L1TD1: variants seen among roughly 807,000 people sequenced by gnomAD.
L1TD1 encodes LINE1 type transposase domain containing 1.
In L1TD1, 26 loss-of-function variants were observed where a neutral mutation model predicts 25.7. The ratio of observed to expected loss-of-function variants is 1.01; its 90% CI spans 0.74 to 1.40. The LOEUF (loss-of-function observed/expected upper bound fraction) is 1.40. L1TD1 is among the 40% of genes most tolerant of loss of function. L1TD1 has a pLI of 0.00. For synonymous variants in L1TD1, 421 were observed against 335.6 expected (o/e 1.25, Z -2.78); for missense variants, 1,130 against 975.0 (o/e 1.16, Z -2.12).
At chr1:62,195,540 G>A (rs895540432) in intron 1 of L1TD1, among the ~76,000 whole-genome samples, 4 of 152,140 alleles carry the variant, frequency 2.6e-5, no homozygotes, top group African/African-American at 9.7e-5. Context: ...GATCACCTGA[G>A]GTCGGAGTTC....
At chr1:62,201,292 T>C (rs1173215410) in intron 2 of L1TD1, among the ~76,000 whole-genome samples, 1 of 152,090 alleles carries the variant, frequency 6.6e-6, no homozygotes, top group Non-Finnish European at 1.5e-5. Flanking sequence ...CAGAAAAATT[T>C]GTCCTTATGT....
In L1TD1 at chr1:62,207,066, A is replaced by C. The variant is rs761855273; in HGVS notation, c.438A>C (p.Leu146Phe). ...AAGTAAATGAGCTGAGTGGTAAATT[A>C]GACAACACTAACGAATACAATAGTA... Reference protein sequence around the residue: ...KLEVNELSGKLDNTNEYNSND... With the variant: ...KLEVNELSGKFDNTNEYNSND... Residue 146 changes from leucine to phenylalanine, a missense_variant, in exon 3 of 4, where the codon TTA (leucine) becomes TTC (phenylalanine). Physicochemically the swap from Leu to Phe is conservative, Grantham distance 22. Transcript: ENST00000498273. 14 of 1,613,794 alleles carry C rather than the reference A, an allele frequency of 8.7e-6. No individual in the cohort carries two copies. The highest frequency in any genetic ancestry group is 2.7e-5 in the African/African-American group (2 of 74,954).
In L1TD1 at chr1:62,210,312, A is replaced by G. The variant is rs758340686; in HGVS notation, c.1538A>G (p.Tyr513Cys). The G allele has an allele frequency of 2.5e-6, 4 of 1,614,132 alleles. No homozygotes were observed. Among genetic ancestry groups the G allele is most frequent in the Non-Finnish European group, 3.4e-6 (4 of 1,180,004 alleles). ...AGACAAAAAGAAATTCCCTTTAGTT[A>G]TTTGGTTGGGGACTCTGGGAAGAAA... ...SRRQKEIPFS[Y>C]LVGDSGKKKL... is the part of the protein sequence containing the mutation. The change falls in exon 4 of 4, where the codon TAT becomes TGT. Residue 513 changes from tyrosine (Y) to cysteine (C), a missense_variant. Coordinates refer to ENST00000498273, the MANE Select transcript of L1TD1 (RefSeq NM_019079.5).
At chr1:62,205,373 T>TCTCTCTCTCTCTCTC (rs1670716070) in intron 2 of L1TD1, among the ~76,000 whole-genome samples, 1 of 90,180 alleles carries the variant, frequency 1.1e-5, no homozygotes, top group African/African-American at 3.9e-5. Flanking sequence ...AAAACTCTCT[T>TCTCTCTCTCTCTCTC]TCTCTCTCTC....
intron 3 of L1TD1, 139 bp downstream of exon 3, chr1:62,207,775 C>A: frequency 9.4e-7 from 1 of 1,067,768 alleles, no homozygotes; most frequent in Non-Finnish European, 1.3e-6. Flanking sequence ...TGCAGTGGCA[C>A]GATCTCGGCT....
intron 2 of L1TD1, among the ~76,000 whole-genome samples, chr1:62,199,086 G>C (rs1270458881): frequency 6.6e-6 from 1 of 152,090 alleles, no homozygotes; most frequent in Non-Finnish European, 1.5e-5. Context: ...TCTTGATCAG[G>C]GATTTTGAAC....
At chr1:62,196,384 A>T (rs1040345686) in intron 1 of L1TD1, 51 bp from the exon 2 acceptor site, 2 of 152,124 alleles carry the variant, frequency 1.3e-5, no homozygotes, top group African/African-American at 2.4e-5. Flanking sequence ...GTGATTTTCT[A>T]CATTAAATAA....
chr1:62,206,180 C>T (rs748086549), intron 2 of L1TD1, among the ~76,000 whole-genome samples: 13 of 152,170 alleles, frequency 8.5e-5, no homozygotes, highest in African/African-American at 1.2e-4. Flanking sequence ...TGGTATGATA[C>T]ATATGTTGGT....
chr1:62,205,942 G>C (rs1448490660), intron 2 of L1TD1, among the ~76,000 whole-genome samples: 1 of 151,970 alleles, frequency 6.6e-6, no homozygotes, highest in Non-Finnish European at 1.5e-5. Flanking sequence ...TGTTGCCCAG[G>C]CTGGTCTCGA....
At chr1:62,202,090 T>C (rs1670649455) in intron 2 of L1TD1, among the ~76,000 whole-genome samples, 1 of 152,096 alleles carries the variant, frequency 6.6e-6, no homozygotes, top group Non-Finnish European at 1.5e-5. Flanking sequence ...CACCTGAGGT[T>C]GGGAGTTCGA....
Position 62,206,675 on chromosome 1 carries a change from C to T in L1TD1, c.47C>T (p.Ala16Val), listed in dbSNP as rs1290270402. The change falls in exon 3 of 4, where the codon GCA (alanine) becomes GTA (valine). Residue 16 changes from alanine (A) to valine (V), a missense_variant. Physicochemically the swap from Ala to Val is moderately conservative, Grantham distance 64 (BLOSUM62 0). Coordinates refer to ENST00000498273, the MANE Select transcript of L1TD1 (RefSeq NM_019079.5). ...GTACAATCAAAATTTGCTAGACTTGCAAAGAAAAAGGAAAATATCACCTAT... is the reference window on the plus strand; with the variant it reads ...GTACAATCAAAATTTGCTAGACTTGTAAAGAAAAAGGAAAATATCACCTAT... ...TSVQSKFARL[A>V]KKKENITYMK... 1 of 1,547,020 alleles carries T rather than the reference C, an allele frequency of 6.5e-7. No individual in the cohort carries two copies. The highest frequency in any genetic ancestry group is 1.4e-5 in the African/African-American group (1 of 72,592).
At chr1:62,205,151 C>G (rs185604800) in intron 2 of L1TD1, among the ~76,000 whole-genome samples, 145 of 151,636 alleles carry the variant, frequency 9.6e-4, no homozygotes, top group African/African-American at 3.0e-3. Context: ...GAATTCGAGG[C>G]CAGCCACCAA....
chr1:62,205,444 T>TATATATA (rs1195636077), intron 2 of L1TD1, among the ~76,000 whole-genome samples: 2 of 75,904 alleles, frequency 2.6e-5, no homozygotes, highest in African/African-American at 4.4e-5. Flanking sequence ...TATATATATA[T>TATATATA]TTTTTTTTAG....
In L1TD1 at chr1:62,210,998, A is replaced by G. The variant is rs1244985461; in HGVS notation, c.2224A>G (p.Ser742Gly). The change falls in exon 4 of 4, where the codon AGT becomes GGT. Residue 742 changes from serine to glycine, a missense_variant. Physicochemically the swap from Ser to Gly is moderately conservative, Grantham distance 56 (BLOSUM62 0). Transcript: ENST00000498273. The part of the protein sequence containing the change: ...LKKGSSLEIV[S>G]ACRVPSKIDE... The stretch of plus-strand genomic sequence containing the variant: ...GAAAGGTTCAAGTCTTGAGATTGTC[A>G]GTGCTTGTCGAGTACCTAGTAAAAT... 6.5e-7 allele frequency: 1 copy of G among 1,545,440 alleles called. No homozygotes were observed. The highest frequency in any genetic ancestry group is 2.4e-5 in the East Asian group (1 of 40,900).
intron 2 of L1TD1, among the ~76,000 whole-genome samples, chr1:62,202,996 A>T (rs1670672012): frequency 6.6e-6 from 1 of 151,836 alleles, no homozygotes; most frequent in African/African-American, 2.4e-5. Context: ...TTTGTTTTTT[A>T]AAAAAACTGG....
At chr1:62,200,253 T>C (rs1323682885) in intron 2 of L1TD1, among the ~76,000 whole-genome samples, 1 of 152,142 alleles carries the variant, frequency 6.6e-6, no homozygotes, top group Admixed American at 6.6e-5. Flanking sequence ...CTCAGCTCAC[T>C]GCAACCTCCG....
chr1:62,203,367 C>G (rs952523087), intron 2 of L1TD1, among the ~76,000 whole-genome samples: 2 of 152,130 alleles, frequency 1.3e-5, no homozygotes, highest in African/African-American at 4.8e-5. Context: ...TTAACCATCC[C>G]TATTCCCTAC....
chr1:62,207,645 A>G lies in L1TD1; in HGVS notation c.1008+9A>G. On this transcript the variant is annotated intron_variant, in intron 3 of 3. Transcript: ENST00000498273. ...GAATTCAAGAAAAAAGGGTAAGCAT[A>G]CAAATGTATAAATGTATAAAGCTTA... is the stretch of plus-strand genomic sequence containing the variant. The G allele has an allele frequency of 6.6e-7, 1 of 1,516,838 alleles. No homozygotes were observed. Among genetic ancestry groups the G allele is most frequent in the Non-Finnish European group, 8.8e-7 (1 of 1,133,128 alleles). 94.0% of individuals were successfully genotyped at this position (1,516,838 alleles called of 1,614,324 possible).
chr1:62,202,636 T>C (rs1480702370), intron 2 of L1TD1, among the ~76,000 whole-genome samples: 1 of 149,790 alleles, frequency 6.7e-6, no homozygotes, highest in African/African-American at 2.4e-5. Context: ...AGGCGTGATC[T>C]GGGCTCATTG....
Sources: allele counts gnomAD v4.1 joint callset (sites outside exome capture counted in the v4.1 genomes callset), GRCh38; gene constraint gnomAD v4.1.1; transcripts MANE v1.5; gene names NCBI Gene and HGNC (gene_info 2026-07-23, HGNC 2026-07-21).